Variants in SMCHD1 observed in about 807,000 individuals in gnomAD.
The protein encoded by SMCHD1 is structural maintenance of chromosomes flexible hinge domain containing 1.
SMCHD1 carries 78 observed loss-of-function variants against 254.7 expected under a neutral mutation model. The observed-to-expected ratio is 0.31, with a 90% confidence interval of 0.26 to 0.37. The LOEUF (loss-of-function observed/expected upper bound fraction) is 0.37, where lower values mean the gene tolerates loss of function less well. Ranked by LOEUF, SMCHD1 falls within the 10% of genes least tolerant of loss-of-function variation. The probability of loss-of-function intolerance (pLI) is 1.00; values close to 1 mark genes in which losing one functional copy is unlikely to be tolerated. For missense variants in SMCHD1, 1,840 were observed against 2,408.1 expected, an observed-to-expected ratio of 0.76 and a Z score of 4.94; for synonymous variants, 766 against 794.9, an observed-to-expected ratio of 0.96 and a Z score of 0.61.
chr18:2,708,499 C>G (rs775344695), intron 17 of SMCHD1, among the ~76,000 whole-genome samples: 5 of 152,008 alleles, frequency 3.3e-5, no homozygotes, highest in African/African-American at 7.2e-5. Context: ...CCACTGCACT[C>G]CAGCCTGGGT....
chr18:2,691,644 A>G (rs148116264), intron 7 of SMCHD1: 2 of 152,258 alleles, frequency 1.3e-5, no homozygotes, highest in Non-Finnish European at 2.9e-5. Flanking sequence ...TTTAACAGAA[A>G]ATATTTAATA....
intron 47 of SMCHD1, among the ~76,000 whole-genome samples, chr18:2,798,910 G>A (rs574336182): frequency 1.4e-4 from 21 of 152,308 alleles, no homozygotes; most frequent in South Asian, 4.1e-4. Flanking sequence ...CACAGTCTCA[G>A]CACTAAATTT....
chr18:2,786,887 CTA>C (rs2076248835), intron 45 of SMCHD1, among the ~76,000 whole-genome samples: 1 of 152,122 alleles, frequency 6.6e-6, no homozygotes, highest in Non-Finnish European at 1.5e-5. Context: ...TTGTTCAACA[CTA>C]TGCATGTAGT....
intron 1 of SMCHD1, among the ~76,000 whole-genome samples, chr18:2,659,763 G>GAA (rs58068466): frequency 2.5e-4 from 29 of 115,474 alleles, no homozygotes; most frequent in South Asian, 8.6e-4. Context: ...TTGAGATTTT[G>GAA]AAAAAAAAAA....
rs75239752 is a variant in SMCHD1, at chr18:2,682,042, G to A, written c.639-6352G>A. The stretch of plus-strand genomic sequence containing the variant: ...GTGTTTACTTGAATGTTGGGAATAC[G>A]TTTGTAACATCTAAGCACCCTACTT... On this transcript the variant is annotated intron_variant, in intron 5 of 47. Transcript: ENST00000320876. 8.8e-3 allele frequency among the ~76,000 whole-genome samples: 1,340 copies of A among 152,236 alleles called. 22 individuals carry two copies. Among genetic ancestry groups the A allele is most frequent in the African/African-American group, 0.031 (1,269 of 41,538 alleles).
intron 39 of SMCHD1, among the ~76,000 whole-genome samples, chr18:2,770,745 C>T (rs1677498312): frequency 6.6e-6 from 1 of 152,142 alleles, no homozygotes; most frequent in Admixed American, 6.5e-5. Flanking sequence ...CTCAGCCTCC[C>T]AAGTAGCTAG....
chr18:2,795,866 C>G (rs2076253817), intron 45 of SMCHD1, 83 bp from the exon 46 acceptor site: 8 of 1,168,074 alleles, frequency 6.8e-6, no homozygotes, highest in African/African-American at 1.6e-5. Flanking sequence ...AACACAAATT[C>G]CAGTGTTGCT....
At chr18:2,739,297 AAC>A (rs1419077314) in intron 26 of SMCHD1, 133 bp from the exon 27 acceptor site, 9 of 669,760 alleles carry the variant, frequency 1.3e-5, no homozygotes, top group Non-Finnish European at 1.8e-5. Flanking sequence ...ATATAAATTA[AAC>A]AGTTATTTGA....
intron 44 of SMCHD1, among the ~76,000 whole-genome samples, chr18:2,781,397 T>G: frequency 6.6e-6 from 1 of 152,226 alleles, no homozygotes; most frequent in African/African-American, 2.4e-5. Flanking sequence ...CGGTAAACAT[T>G]TGGTTTCATG....
At position 2,718,086 on chromosome 18, in the gene SMCHD1, T is replaced by C; in HGVS notation, c.2261-72T>C. On this transcript the variant is annotated intron_variant, in intron 17 of 47. Coordinates refer to ENST00000320876, the MANE Select transcript of SMCHD1 (RefSeq NM_015295.3). This position sits in a 1 kb window ranked among gnomAD's most constrained non-coding sequence, Gnocchi z 4.6. ...ACAGCAAATAGGTATTTGGTGCCAATGTGACATTGCGTATTTCATGTTTTA... is the reference window on the plus strand; with the variant it reads ...ACAGCAAATAGGTATTTGGTGCCAACGTGACATTGCGTATTTCATGTTTTA... 1.7e-6 allele frequency: 2 copies of C among 1,179,560 alleles called. No individual in the cohort carries two copies. The highest frequency in any genetic ancestry group is 2.4e-6 in the Non-Finnish European group (2 of 823,268). The allele number at this position is 1,179,560 out of a possible 1,614,324, so 73.1% of individuals were successfully genotyped here.
At chr18:2,733,235 A>G (rs1054026867) in intron 25 of SMCHD1, among the ~76,000 whole-genome samples, 2 of 152,228 alleles carry the variant, frequency 1.3e-5, no homozygotes, top group South Asian at 2.1e-4. Flanking sequence ...GCTGTGCAAA[A>G]TTGTACAATA....
chr18:2,750,153 G>A, intron 31 of SMCHD1, 31 bp downstream of exon 31: 1 of 1,550,020 alleles, frequency 6.5e-7, no homozygotes, highest in Non-Finnish European at 8.7e-7. Flanking sequence ...AGTTGTTGGT[G>A]TTATAGAGAT....
At chr18:2,774,802 C>G (rs917611985) in intron 41 of SMCHD1, among the ~76,000 whole-genome samples, 11 of 152,222 alleles carry the variant, frequency 7.2e-5, no homozygotes, top group Non-Finnish European at 1.0e-4. Flanking sequence ...ACACCACCAT[C>G]CTAGCACAAT....
In SMCHD1 at chr18:2,775,541, AAAAAG is replaced by A. The variant is rs1598433095; in HGVS notation, c.5176-189_5176-185del. On this transcript the variant is annotated intron_variant, in intron 41 of 47. Coordinates refer to ENST00000320876, the MANE Select transcript of SMCHD1 (RefSeq NM_015295.3). The stretch of plus-strand genomic sequence containing the variant: ...AACTTTACTGGAGTTTAATCTTTAG[AAAAAG>A]AAATTTTAATTTAATATCAGAATAC... 2.0e-5 allele frequency among the ~76,000 whole-genome samples: 3 copies of A among 152,304 alleles called. No homozygotes were observed. In the East Asian group the frequency reaches 5.8e-4, roughly 29 times the overall value.
At chr18:2,800,659 A>G (rs1428875886) in intron 47 of SMCHD1, 1 of 152,186 alleles carries the variant, frequency 6.6e-6, no homozygotes, top group Non-Finnish European at 1.5e-5. Context: ...TGTTTAAAGC[A>G]AAACCTGTGG....
At chr18:2,664,699 G>A (rs959170668) in intron 1 of SMCHD1, among the ~76,000 whole-genome samples, 17 of 152,304 alleles carry the variant, frequency 1.1e-4, no homozygotes, top group Admixed American at 3.3e-4. Context: ...CCCACTCATA[G>A]CAATGCTAAC....
chr18:2,738,581 A>G lies in SMCHD1; in HGVS notation c.3425+36A>G, dbSNP rs541022260. The G allele has an allele frequency of 8.3e-6, 13 of 1,563,186 alleles. No homozygotes were observed. The African/African-American group carries it at 1.6e-4, about 20-fold the overall frequency. ...TCATTATATTTTGCAGCCTATGGCA[A>G]CAAAATACTGTCCTCCATTGCACAT... On this transcript the variant is annotated intron_variant, in intron 26 of 47. Coordinates refer to ENST00000320876, the MANE Select transcript of SMCHD1 (RefSeq NM_015295.3).
At chr18:2,799,368 G>A (rs2076319142) in intron 47 of SMCHD1, among the ~76,000 whole-genome samples, 1 of 152,134 alleles carries the variant, frequency 6.6e-6, no homozygotes, top group Admixed American at 6.6e-5. Flanking sequence ...GGTGGCTACC[G>A]TTTTGGACTG....
chr18:2,766,101 C>T (rs533255084), intron 37 of SMCHD1, among the ~76,000 whole-genome samples: 2 of 152,206 alleles, frequency 1.3e-5, no homozygotes, highest in African/African-American at 4.8e-5. Context: ...TCACGCCATT[C>T]TCCTGTCTCA....
Sources: gnomAD v4.1 joint callset for allele counts (sites outside exome capture counted in the v4.1 genomes callset) on GRCh38, gnomAD v4.1.1 for gene constraint, Gnocchi (gnomAD v3.1) non-coding constraint, MANE v1.5 for transcripts, NCBI Gene and HGNC (gene_info 2026-07-23, HGNC 2026-07-21) for gene names.